SHISA6: variants seen among roughly 807,000 people sequenced by gnomAD.
The protein encoded by SHISA6 is protein shisa-6.
In SHISA6, 22 loss-of-function variants were observed where a neutral mutation model predicts 47.9. That is an observed-to-expected ratio of 0.46 (90% CI 0.33 to 0.66). The LOEUF (loss-of-function observed/expected upper bound fraction) is 0.66. Ranked by LOEUF, SHISA6 falls within the 30% of genes least tolerant of loss-of-function variation. SHISA6 has a pLI of 0.02. For synonymous variants in SHISA6, 388 were observed against 337.8 expected (o/e 1.15, Z -1.63); for missense variants, 680 against 764.6 (o/e 0.89, Z 1.30).
At chr17:11,303,522 A>T (rs1311978652) in intron 2 of SHISA6, among the ~76,000 whole-genome samples, 1 of 151,450 alleles carries the variant, frequency 6.6e-6, no homozygotes, top group African/African-American at 2.4e-5. Context: ...TGAGTGTGTG[A>T]TTGTGTGGTT....
At chr17:11,402,867 G>A (rs544959306) in intron 3 of SHISA6, among the ~76,000 whole-genome samples, 2 of 152,278 alleles carry the variant, frequency 1.3e-5, no homozygotes, top group Admixed American at 1.3e-4. Flanking sequence ...GCCAAAAGGT[G>A]TAGGTTCTCC....
intron 3 of SHISA6, among the ~76,000 whole-genome samples, chr17:11,515,313 A>G (rs1200051065): frequency 3.8e-5 from 5 of 130,890 alleles, no homozygotes; most frequent in East Asian, 2.2e-4. Flanking sequence ...GAAGAAAGAA[A>G]AAGGAAGGAA....
rs575449415 is a variant in SHISA6, at chr17:11,535,130, C to A, written c.896-16766C>A. Among the ~76,000 whole-genome samples, 53 of 151,886 alleles carry A rather than the reference C, an allele frequency of 3.5e-4. 1 individual carries two copies. In the South Asian group the frequency reaches 4.6e-3, roughly 13 times the overall value. ...GCCTGGCAACAAAGCGAGACTCCAT[C>A]TCAAAAAAAATAAAATAAAATAGAA... On this transcript the variant is annotated intron_variant, in intron 3 of 5. Coordinates refer to ENST00000441885, the MANE Select transcript of SHISA6 (RefSeq NM_207386.4).
intron 2 of SHISA6, among the ~76,000 whole-genome samples, chr17:11,295,963 C>CAA (rs3034195): frequency 3.3e-5 from 3 of 91,384 alleles, no homozygotes; most frequent in African/African-American, 1.3e-4. Context: ...GACTCCATCT[C>CAA]AAAAAAAAAA....
chr17:11,405,967 T>C (rs1395190521), intron 3 of SHISA6, among the ~76,000 whole-genome samples: 1 of 152,186 alleles, frequency 6.6e-6, no homozygotes, highest in Admixed American at 6.5e-5. Flanking sequence ...GCATATGTTT[T>C]TCCAGACAGC....
rs146032888 is a variant in SHISA6, at chr17:11,360,976, T to C, written c.800-18438T>C. Reference sequence around the variant, plus strand: ...CTCCTTTTTCTCTTTGTTTTCTTTTTCCCCCACTGATTTGAATGTCGTCTT... The same window carrying C: ...CTCCTTTTTCTCTTTGTTTTCTTTTCCCCCCACTGATTTGAATGTCGTCTT... On this transcript the variant is annotated intron_variant, in intron 2 of 5. Coordinates refer to ENST00000441885, the MANE Select transcript of SHISA6 (RefSeq NM_207386.4). 1.1e-3 allele frequency among the ~76,000 whole-genome samples: 172 copies of C among 150,934 alleles called. 2 individuals are homozygous for C. The highest frequency in any genetic ancestry group is 3.5e-3 in the African/African-American group (143 of 41,090).
chr17:11,267,614 A>T (rs1367627981), intron 2 of SHISA6, among the ~76,000 whole-genome samples: 2 of 152,224 alleles, frequency 1.3e-5, no homozygotes, highest in Non-Finnish European at 2.9e-5. Context: ...TTGAGAACTG[A>T]GCTCTTAAAG....
intron 5 of SHISA6, among the ~76,000 whole-genome samples, chr17:11,557,004 A>G (rs983937408): frequency 2.0e-5 from 3 of 152,166 alleles, no homozygotes; most frequent in African/African-American, 7.2e-5. Flanking sequence ...CTGGATAGAG[A>G]GAAAGGTGGA....
chr17:11,367,557 G>T (rs191637601), intron 2 of SHISA6, among the ~76,000 whole-genome samples: 39 of 152,326 alleles, frequency 2.6e-4, no homozygotes, highest in African/African-American at 8.2e-4. Flanking sequence ...GGGGCCCTTT[G>T]AAACTTGTGG....
At chr17:11,419,020 A>G (rs573992203) in intron 3 of SHISA6, among the ~76,000 whole-genome samples, 20 of 152,164 alleles carry the variant, frequency 1.3e-4, no homozygotes, top group African/African-American at 4.3e-4. Context: ...ATATGTGATT[A>G]ACATGGACAC....
chr17:11,494,621 C>T (rs548189179), intron 3 of SHISA6, among the ~76,000 whole-genome samples: 1 of 152,136 alleles, frequency 6.6e-6, no homozygotes, highest in Non-Finnish European at 1.5e-5. Flanking sequence ...GAAAACATAA[C>T]AGAACTGAGG....
intron 2 of SHISA6, among the ~76,000 whole-genome samples, chr17:11,365,175 TATC>T (rs1249298366): frequency 5.3e-5 from 8 of 152,288 alleles, no homozygotes; most frequent in South Asian, 2.1e-4. Flanking sequence ...CTACTGTTAT[TATC>T]ATTATTATTA....
chr17:11,373,211 A>G (rs531971980), intron 2 of SHISA6, among the ~76,000 whole-genome samples: 76 of 151,772 alleles, frequency 5.0e-4, no homozygotes, highest in African/African-American at 1.8e-3. Context: ...TCTCCCATCT[A>G]TGGTGACTCG....
intron 2 of SHISA6, among the ~76,000 whole-genome samples, chr17:11,379,110 A>G (rs1044588559): frequency 6.7e-6 from 1 of 148,794 alleles, no homozygotes; most frequent in African/African-American, 2.5e-5. Context: ...ATATGTGTGT[A>G]TATATACTAA....
chr17:11,498,389 A>T (rs2071425236), intron 3 of SHISA6, among the ~76,000 whole-genome samples: 1 of 152,226 alleles, frequency 6.6e-6, no homozygotes, highest in African/African-American at 2.4e-5. Flanking sequence ...GTCTTCTAAG[A>T]TGTCCTTTAA....
intron 3 of SHISA6, among the ~76,000 whole-genome samples, chr17:11,542,692 T>C (rs2071844183): frequency 6.6e-6 from 1 of 151,918 alleles, no homozygotes; most frequent in South Asian, 2.1e-4. Context: ...TTTCAGAAAT[T>C]AAAAAAAGAA....
intron 3 of SHISA6, among the ~76,000 whole-genome samples, chr17:11,425,543 A>G (rs1914586224): frequency 6.6e-6 from 1 of 152,182 alleles, no homozygotes; most frequent in Non-Finnish European, 1.5e-5. Flanking sequence ...CTTTTCACTA[A>G]TAAAGAATTC....
chr17:11,371,844 AT>A (rs1205607352), intron 2 of SHISA6, among the ~76,000 whole-genome samples: 2 of 152,176 alleles, frequency 1.3e-5, no homozygotes, highest in African/African-American at 4.8e-5. Context: ...AAAGAAAATA[AT>A]AAAAATCAAA....
intron 2 of SHISA6, among the ~76,000 whole-genome samples, chr17:11,310,848 C>A (rs1400132363): frequency 1.3e-5 from 2 of 152,036 alleles, no homozygotes; most frequent in East Asian, 3.9e-4. Context: ...GTGGCTCACG[C>A]CTGTAATCCC....
Sources: allele counts gnomAD v4.1 joint callset (sites outside exome capture counted in the v4.1 genomes callset), GRCh38; gene constraint gnomAD v4.1.1; transcripts MANE v1.5; gene names NCBI Gene and HGNC (gene_info 2026-07-23, HGNC 2026-07-21).